Variants in DYNC1I1 observed in about 807,000 individuals in gnomAD.
DYNC1I1 encodes the protein dynein cytoplasmic 1 intermediate chain 1.
Under a neutral mutation model 86.6 loss-of-function variants are expected in DYNC1I1, and 43 were observed. The observed-to-expected ratio is 0.50, with a 90% CI of 0.39 to 0.64. DYNC1I1 has a LOEUF of 0.64. DYNC1I1 is among the 30% of genes least tolerant of loss of function. DYNC1I1 has a pLI of 0.00. For synonymous variants in DYNC1I1, 262 were observed against 283.7 expected (o/e 0.92, Z 0.77); for missense variants, 604 against 788.8 (o/e 0.77, Z 2.81).
chr7:95,942,893 A>G (rs1164198095), intron 6 of DYNC1I1, among the ~76,000 whole-genome samples: 3 of 146,702 alleles, frequency 2.0e-5, no homozygotes, highest in Non-Finnish European at 4.5e-5. Context: ...AGAGCTATCT[A>G]TGACAAACCC....
rs1331897428 is a variant in DYNC1I1, at chr7:95,988,003, C to T, written c.843+848C>T. ...TCTAATACTATTCTTAACCTTCAAA[C>T]TGATATTTCTACCTTCATGCTTGTC... On this transcript the variant is annotated intron_variant, in intron 9 of 16. Coordinates refer to ENST00000447467, the MANE Select transcript of DYNC1I1 (RefSeq NM_001135556.2). Among the ~76,000 whole-genome samples the T allele has an allele frequency of 2.0e-5, 3 of 152,184 alleles. No individual in the cohort carries two copies. The East Asian group carries it at 5.8e-4, about 29-fold the overall frequency.
chr7:95,872,563 T>A (rs1790201095), intron 6 of DYNC1I1, among the ~76,000 whole-genome samples: 1 of 152,182 alleles, frequency 6.6e-6, no homozygotes, highest in Non-Finnish European at 1.5e-5. Context: ...TGCACCGTAA[T>A]GAACATTCTC....
In DYNC1I1 at chr7:96,068,750, T is replaced by C. The variant is rs574996586; in HGVS notation, c.1510-7307T>C. ...TCAAAGTGTAATCCATAGATCTGAG[T>C]TTATATCTGATATTTTTATGCCTTT... On this transcript the variant is annotated intron_variant, in intron 14 of 16. Transcript: ENST00000447467. Among the ~76,000 whole-genome samples the C allele has an allele frequency of 2.6e-5, 4 of 152,222 alleles. No individual in the cohort carries two copies. In the South Asian group the frequency reaches 6.2e-4, roughly 24 times the overall value.
intron 14 of DYNC1I1, among the ~76,000 whole-genome samples, chr7:96,071,795 T>A (rs1427371070): frequency 2.0e-5 from 3 of 152,216 alleles, no homozygotes; most frequent in Admixed American, 6.5e-5. Context: ...ATTTTTAAAC[T>A]GTTTCTACAA....
At chr7:95,796,304 C>A (rs1794434075) in intron 1 of DYNC1I1, among the ~76,000 whole-genome samples, 1 of 151,896 alleles carries the variant, frequency 6.6e-6, no homozygotes, top group Non-Finnish European at 1.5e-5. Context: ...CTCTCTCTCT[C>A]TCTTTCTTTC....
intron 6 of DYNC1I1, among the ~76,000 whole-genome samples, chr7:95,950,343 T>C (rs1792519591): frequency 1.3e-5 from 2 of 152,170 alleles, no homozygotes. Context: ...TTTGGTTGAT[T>C]TGGTGTGTGG....
chr7:95,995,622 G>C (rs931155654), intron 9 of DYNC1I1, among the ~76,000 whole-genome samples: 2 of 152,196 alleles, frequency 1.3e-5, no homozygotes, highest in African/African-American at 4.8e-5. Context: ...GAAAAGAGAA[G>C]TCAGGGAAGA....
intron 1 of DYNC1I1, among the ~76,000 whole-genome samples, chr7:95,792,219 A>G (rs568707384): frequency 5.3e-5 from 8 of 152,242 alleles, no homozygotes; most frequent in African/African-American, 1.9e-4. Context: ...GTTCCAGCAG[A>G]ACTACGTGCA....
chr7:95,788,613 G>A (rs1401013572), intron 1 of DYNC1I1, among the ~76,000 whole-genome samples: 1 of 152,136 alleles, frequency 6.6e-6, no homozygotes, highest in Non-Finnish European at 1.5e-5. Flanking sequence ...ACCTTTTCGC[G>A]GCACACACTG....
At chr7:95,830,450 T>A (rs1795296504) in intron 5 of DYNC1I1, among the ~76,000 whole-genome samples, 1 of 152,188 alleles carries the variant, frequency 6.6e-6, no homozygotes, top group Non-Finnish European at 1.5e-5. Flanking sequence ...GATTGTCATA[T>A]AAATGAAATC....
downstream of DYNC1I1, chr7:96,110,121 A>G (rs1257893222): frequency 2.3e-6 from 1 of 433,772 alleles, no homozygotes; most frequent in Non-Finnish European, 4.6e-6. Context: ...CTGAGAGATG[A>G]GTACCAAAAT....
chr7:95,997,583 T>TG (rs1554429142), intron 10 of DYNC1I1, among the ~76,000 whole-genome samples: 34,296 of 142,798 alleles, frequency 0.24, 4,607 homozygotes, highest in Middle Eastern at 0.36. Context: ...AAGGGCATTC[T>TG]TGTGTGTGTG....
chr7:96,093,040 C>T (rs1381836960), intron 16 of DYNC1I1, among the ~76,000 whole-genome samples: 1 of 152,062 alleles, frequency 6.6e-6, no homozygotes, highest in Non-Finnish European at 1.5e-5. Context: ...AAGGTCTACG[C>T]CCTGCTTCTT....
At chr7:95,816,676 G>A (rs1794953917) in intron 4 of DYNC1I1, among the ~76,000 whole-genome samples, 1 of 152,042 alleles carries the variant, frequency 6.6e-6, no homozygotes, top group Non-Finnish European at 1.5e-5. Context: ...TATACTGTAT[G>A]CAACTGGAAT....
chr7:95,781,529 C>G (rs1793993578), intron 1 of DYNC1I1, among the ~76,000 whole-genome samples: 1 of 150,332 alleles, frequency 6.7e-6, no homozygotes, highest in African/African-American at 2.5e-5. Context: ...CTCCCTTTCC[C>G]TGGTATAGTC....
At chr7:95,800,464 G>A (rs576457875) in intron 1 of DYNC1I1, among the ~76,000 whole-genome samples, 1 of 152,252 alleles carries the variant, frequency 6.6e-6, no homozygotes, top group East Asian at 1.9e-4. Context: ...GGGTGACAGT[G>A]AGTGAGGAAG....
intron 6 of DYNC1I1, among the ~76,000 whole-genome samples, chr7:95,938,638 G>C (rs1792114310): frequency 6.6e-6 from 1 of 152,026 alleles, no homozygotes. Context: ...TCTGTAATAT[G>C]GATCATGAGG....
At chr7:96,051,887 A>G (rs1238669445) in intron 14 of DYNC1I1, among the ~76,000 whole-genome samples, 1 of 152,200 alleles carries the variant, frequency 6.6e-6, no homozygotes, top group Non-Finnish European at 1.5e-5. Flanking sequence ...TCCTTTTTAA[A>G]TATCTTCATT....
In DYNC1I1 at chr7:95,791,551, T is replaced by C. The variant is rs941909904; in HGVS notation, c.-9-13170T>C. Among the ~76,000 whole-genome samples the C allele has an allele frequency of 5.9e-5, 9 of 152,356 alleles. 1 individual carries two copies. In the East Asian group the frequency reaches 1.4e-3, roughly 23 times the overall value. ...CAGCTCCAAGCGCAATAGATGGCTC[T>C]GTTCTAAAGCATAGATTATTTTTAC... On this transcript the variant is annotated intron_variant, in intron 1 of 16. Transcript: ENST00000447467.
Sources: allele counts gnomAD v4.1 joint callset (sites outside exome capture counted in the v4.1 genomes callset), GRCh38; gene constraint gnomAD v4.1.1; transcripts MANE v1.5; gene names NCBI Gene and HGNC (gene_info 2026-07-23, HGNC 2026-07-21).